Variants in BLNK observed in about 807,000 individuals in gnomAD.
BLNK encodes the protein B cell linker.
A neutral mutation model predicts 73.5 loss-of-function variants in BLNK; 29 were observed. The observed-to-expected ratio is 0.39, with a 90% CI of 0.29 to 0.54. The LOEUF (loss-of-function observed/expected upper bound fraction) is 0.54, where lower values mean the gene tolerates loss of function less well. Among genes scored for constraint, BLNK ranks in the 20% least tolerant of loss-of-function variants. The pLI is 0.61. For missense variants in BLNK, 460 were observed against 562.8 expected, an observed-to-expected ratio of 0.82 and a Z score of 1.85; for synonymous variants, 176 against 200.8, an observed-to-expected ratio of 0.88 and a Z score of 1.04.
chr10:96,245,805 C>G (rs1843022646), intron 2 of BLNK, among the ~76,000 whole-genome samples: 1 of 151,434 alleles, frequency 6.6e-6, no homozygotes, highest in Non-Finnish European at 1.5e-5. Context: ...TTTAAGCACA[C>G]ACATACATAC....
In BLNK at chr10:96,256,880, C is replaced by CAAA. The variant is rs1295010912; in HGVS notation, c.48-9834_48-9832dup. The stretch of plus-strand genomic sequence containing the variant: ...TGGGCGACAGAGTGAGACTCCATCT[C>CAAA]AAAAAAAAAAAAAAAAAAAGCAGCA... On this transcript the variant is annotated intron_variant, in intron 1 of 16. Transcript: ENST00000224337. Among the ~76,000 whole-genome samples the CAAA allele has an allele frequency of 9.8e-3, 1,013 of 103,252 alleles. 39 individuals are homozygous for CAAA. Among genetic ancestry groups the CAAA allele is most frequent in the Middle Eastern group, 0.037 (8 of 216 alleles). 67.7% of individuals were successfully genotyped at this position (103,252 alleles called of 152,430 possible). A position where few individuals can be genotyped will look rare whatever the true frequency, so the allele number is the denominator to read the frequency against.
chr10:96,254,953 T>C lies in BLNK; in HGVS notation c.48-7904A>G, dbSNP rs79893455. Among the ~76,000 whole-genome samples the C allele has an allele frequency of 2.0e-5, 3 of 152,344 alleles. No individual in the cohort carries two copies. In the East Asian group the frequency reaches 5.8e-4, roughly 29 times the overall value. ...TTAGAATCACTTAGGGGACTTTTAA[T>C]AATCTTGACACCCAGGCCTTGCCCC... On this transcript the variant is annotated intron_variant, in intron 1 of 16. Coordinates refer to ENST00000224337, the MANE Select transcript of BLNK (RefSeq NM_013314.4).
chr10:96,189,431 A>G lies in BLNK; in HGVS notation c.*2542T>C, dbSNP rs1439764698. On this transcript the variant is annotated 3_prime_UTR_variant, in exon 17 of 17. Transcript: ENST00000224337. ...CAGTTGTCCGGAAGCAATTCTTCAC[A>G]TAATTGATGAACTTGGCTTCCACTT... 6.6e-6 allele frequency: 4 copies of G among 607,504 alleles called. No individual in the cohort carries two copies. The highest frequency in any genetic ancestry group is 1.4e-5 in the South Asian group (1 of 72,282). The allele number at this position is 607,504 out of a possible 1,614,324, so 37.6% of individuals were successfully genotyped here. A position where few individuals can be genotyped will look rare whatever the true frequency, so the allele number is the denominator to read the frequency against.
At chr10:96,197,913 C>CA (rs587730449) in intron 15 of BLNK, among the ~76,000 whole-genome samples, 24,846 of 128,162 alleles carry the variant, frequency 0.19, 2,459 homozygotes, top group African/African-American at 0.29. Flanking sequence ...GAGACAACAT[C>CA]AAAAAAAAAA....
chr10:96,254,931 GAA>G (rs1554910638), intron 1 of BLNK, among the ~76,000 whole-genome samples: 2 of 152,186 alleles, frequency 1.3e-5, no homozygotes, highest in African/African-American at 4.8e-5. Context: ...CTGCACATTA[GAA>G]TCACTTAGGG....
At chr10:96,205,697 C>T (rs1554897283) in intron 11 of BLNK, among the ~76,000 whole-genome samples, 10 of 152,166 alleles carry the variant, frequency 6.6e-5, no homozygotes, top group Non-Finnish European at 8.8e-5. Flanking sequence ...GTAGAGGCCA[C>T]TCACTCACTT....
intron 8 of BLNK, among the ~76,000 whole-genome samples, chr10:96,210,940 C>T (rs2133986288): frequency 6.8e-6 from 1 of 147,054 alleles, no homozygotes; most frequent in South Asian, 2.1e-4. Flanking sequence ...GAGATCACAG[C>T]TTACTGGAGG....
chr10:96,219,352 G>T (rs2084141916), intron 6 of BLNK, among the ~76,000 whole-genome samples: 1 of 152,224 alleles, frequency 6.6e-6, no homozygotes, highest in Non-Finnish European at 1.5e-5. Flanking sequence ...GGATTCATTA[G>T]TAGCCAGAGT....
intron 13 of BLNK, chr10:96,203,493 T>C (rs1177285175): frequency 2.0e-5 from 3 of 152,244 alleles, no homozygotes; most frequent in Admixed American, 1.3e-4. Flanking sequence ...TTCCTTTTTT[T>C]CCCACATTGA....
At chr10:96,202,117 A>G (rs1293429925) in intron 13 of BLNK, among the ~76,000 whole-genome samples, 21 of 152,154 alleles carry the variant, frequency 1.4e-4, no homozygotes, top group Non-Finnish European at 3.1e-4. Flanking sequence ...AGGGGAGAAG[A>G]GTAAGAGATA....
chr10:96,209,647 C>A (rs1554898236), intron 9 of BLNK, among the ~76,000 whole-genome samples, 191 bp downstream of exon 9: 2 of 152,206 alleles, frequency 1.3e-5, no homozygotes, highest in African/African-American at 4.8e-5. Context: ...CCCGCCTTGG[C>A]CTCCCAAAGT....
At chr10:96,241,024 A>C (rs12256960) in intron 3 of BLNK, among the ~76,000 whole-genome samples, 8,391 of 152,268 alleles carry the variant, frequency 0.055, 790 homozygotes, top group African/African-American at 0.19. Context: ...TCCCCTGACC[A>C]ACTGTCTAAA....
At chr10:96,251,341 T>C (rs1448485423) in intron 1 of BLNK, among the ~76,000 whole-genome samples, 1 of 152,228 alleles carries the variant, frequency 6.6e-6, no homozygotes, top group Non-Finnish European at 1.5e-5. Context: ...TGAAGTGCTT[T>C]TTGCTCCTTA....
intron 13 of BLNK, 136 bp downstream of exon 13, chr10:96,203,921 T>G: frequency 1.6e-6 from 1 of 644,504 alleles, no homozygotes; most frequent in East Asian, 2.8e-5. Flanking sequence ...ATTTTACAGG[T>G]AAGGAAACAA....
intron 1 of BLNK, among the ~76,000 whole-genome samples, chr10:96,264,232 G>A (rs1843887474): frequency 6.6e-6 from 1 of 152,172 alleles, no homozygotes; most frequent in Non-Finnish European, 1.5e-5. Flanking sequence ...GAGATTTAAG[G>A]GGGACCTGAT....
intron 16 of BLNK, among the ~76,000 whole-genome samples, chr10:96,194,768 A>ATTTTTTTTTTTTTTTTTT (rs71034364): frequency 7.3e-5 from 8 of 110,276 alleles, no homozygotes; most frequent in South Asian, 6.3e-4. Context: ...AGAAATGCAA[A>ATTTTTTTTTTTTTTTTTT]TTTTTTTTTT....
intron 1 of BLNK, among the ~76,000 whole-genome samples, chr10:96,262,365 G>T (rs1554913139): frequency 6.6e-6 from 1 of 152,156 alleles, no homozygotes; most frequent in East Asian, 1.9e-4. Flanking sequence ...CATTCATTGA[G>T]CTCTTACTCT....
At chr10:96,234,995 A>G (rs1322570584) in intron 3 of BLNK, among the ~76,000 whole-genome samples, 3 of 152,210 alleles carry the variant, frequency 2.0e-5, no homozygotes, top group African/African-American at 7.2e-5. Flanking sequence ...TCCATTTACC[A>G]TGTCATAATC....
chr10:96,248,497 A>C (rs1378116749), intron 1 of BLNK, among the ~76,000 whole-genome samples: 2 of 152,242 alleles, frequency 1.3e-5, no homozygotes, highest in Non-Finnish European at 2.9e-5. Context: ...GATAATATCC[A>C]GTGTTGAGAA....
Sources: gnomAD v4.1 joint callset for allele counts (sites outside exome capture counted in the v4.1 genomes callset) on GRCh38, gnomAD v4.1.1 for gene constraint, MANE v1.5 for transcripts, NCBI Gene and HGNC (gene_info 2026-07-23, HGNC 2026-07-21) for gene names.